CSGALNACT1: variants seen among roughly 807,000 people sequenced by gnomAD.
The protein encoded by CSGALNACT1 is chondroitin sulfate N-acetylgalactosaminyltransferase 1.
CSGALNACT1 carries 52 observed loss-of-function variants against 51.0 expected under a neutral mutation model. That is an observed-to-expected ratio of 1.02 (90% CI 0.82 to 1.29). CSGALNACT1 has a LOEUF of 1.29. CSGALNACT1 is among the 50% of genes most tolerant of loss of function. The pLI, the probability that CSGALNACT1 is intolerant of heterozygous loss-of-function variation, is 0.00. For synonymous variants in CSGALNACT1, 341 were observed against 254.4 expected (o/e 1.34, Z -3.24); for missense variants, 935 against 679.2 (o/e 1.38, Z -4.19).
intron 1 of CSGALNACT1, among the ~76,000 whole-genome samples, chr8:19,681,630 A>T (rs999988000): frequency 6.6e-6 from 1 of 152,196 alleles, no homozygotes; most frequent in African/African-American, 2.4e-5. Flanking sequence ...GGTACGTCCA[A>T]GGGTTCCTAC....
chr8:19,684,891 T>C (rs1350901600), upstream of CSGALNACT1, among the ~76,000 whole-genome samples: 1 of 152,252 alleles, frequency 6.6e-6, no homozygotes, highest in East Asian at 1.9e-4. Context: ...ATATCCATGT[T>C]GTATGCTTTC....
intron 1 of CSGALNACT1, among the ~76,000 whole-genome samples, chr8:19,609,654 G>T (rs2051913256): frequency 6.6e-6 from 1 of 150,626 alleles, no homozygotes; most frequent in Non-Finnish European, 1.5e-5. Flanking sequence ...GGGGATGGGG[G>T]TTGGGGGGTG....
chr8:19,553,189 C>G (rs908702059), intron 3 of CSGALNACT1, among the ~76,000 whole-genome samples: 7 of 151,998 alleles, frequency 4.6e-5, no homozygotes, highest in Admixed American at 4.6e-4. Context: ...TAAGATAATA[C>G]CTTCATGACC....
At chr8:19,689,844 G>T (rs1355936514) in intron 1 of CSGALNACT1, among the ~76,000 whole-genome samples, 2 of 152,194 alleles carry the variant, frequency 1.3e-5, no homozygotes, top group African/African-American at 4.8e-5. Flanking sequence ...CCCTTACAAG[G>T]AAAGTGACGT....
At chr8:19,713,035 C>A (rs564020997) in intron 1 of CSGALNACT1, among the ~76,000 whole-genome samples, 1 of 152,358 alleles carries the variant, frequency 6.6e-6, no homozygotes, top group South Asian at 2.1e-4. Context: ...TTCCTCCCAT[C>A]TTTCCAGTGC....
intron 1 of CSGALNACT1, among the ~76,000 whole-genome samples, chr8:19,698,756 G>C (rs368066926): frequency 2.2e-3 from 322 of 143,298 alleles, no homozygotes; most frequent in African/African-American, 7.9e-3. Context: ...ATGGAAAAGA[G>C]AATGGATAAC....
At chr8:19,476,291 T>C (rs1333813795) in intron 4 of CSGALNACT1, among the ~76,000 whole-genome samples, 1 of 152,098 alleles carries the variant, frequency 6.6e-6, no homozygotes, top group African/African-American at 2.4e-5. Flanking sequence ...CTAGGTAGAG[T>C]TCAATGGCAA....
At chr8:19,664,064 C>T (rs2058984530) in intron 1 of CSGALNACT1, among the ~76,000 whole-genome samples, 1 of 152,238 alleles carries the variant, frequency 6.6e-6, no homozygotes, top group African/African-American at 2.4e-5. Flanking sequence ...CCCTCCACAC[C>T]CTGCCAGGTG....
At chr8:19,712,252 C>G in intron 1 of CSGALNACT1, among the ~76,000 whole-genome samples, 1 of 152,062 alleles carries the variant, frequency 6.6e-6, no homozygotes, top group Non-Finnish European at 1.5e-5. Context: ...GTCTCGATCT[C>G]CTGACCTCGT....
At chr8:19,696,731 C>T (rs959167375) in intron 1 of CSGALNACT1, among the ~76,000 whole-genome samples, 1 of 152,118 alleles carries the variant, frequency 6.6e-6, no homozygotes, top group Admixed American at 6.5e-5. Context: ...AGGGCTGTTG[C>T]AAGGCTTCAG....
Position 19,757,581 on chromosome 8 carries a change from A to C in CSGALNACT1, c.-297+269T>G, listed in dbSNP as rs2065478249. On this transcript the variant is annotated intron_variant, in intron 1 of 1. Transcript: ENST00000517494. The surrounding 1 kb of genome is among the most constrained non-coding windows in gnomAD (Gnocchi z 4.0). ...GCGGTTTACGCGTGACTGGACACCAAGAGCCGGAGAAGTTTAGAGACTAGG... is the reference window on the plus strand; with the variant it reads ...GCGGTTTACGCGTGACTGGACACCACGAGCCGGAGAAGTTTAGAGACTAGG... 6.6e-6 allele frequency among the ~76,000 whole-genome samples: 1 copy of C among 152,150 alleles called. No homozygotes were observed. Among genetic ancestry groups the C allele is most frequent in the Non-Finnish European group, 1.5e-5 (1 of 68,004 alleles).
At chr8:19,635,315 G>A (rs1014576337) in intron 1 of CSGALNACT1, among the ~76,000 whole-genome samples, 2 of 152,190 alleles carry the variant, frequency 1.3e-5, no homozygotes, top group African/African-American at 4.8e-5. Flanking sequence ...CTGCTTTTCT[G>A]TCCAACTTCC....
At chr8:19,688,174 C>T (rs1275332922) in intron 1 of CSGALNACT1, among the ~76,000 whole-genome samples, 1 of 152,086 alleles carries the variant, frequency 6.6e-6, no homozygotes, top group Admixed American at 6.5e-5. Context: ...ATCGGTGGGG[C>T]CTTCTTGAAG....
At chr8:19,513,692 C>T (rs55915417) in intron 3 of CSGALNACT1, among the ~76,000 whole-genome samples, 23,737 of 151,732 alleles carry the variant, frequency 0.16, 2,221 homozygotes, top group Non-Finnish European at 0.21. Context: ...GATGGTAGAC[C>T]TACCGCACAC....
At chr8:19,524,553 G>C (rs2081312239) in intron 3 of CSGALNACT1, among the ~76,000 whole-genome samples, 1 of 151,978 alleles carries the variant, frequency 6.6e-6, no homozygotes, top group Non-Finnish European at 1.5e-5. Flanking sequence ...TTTAATATTA[G>C]TTCCTTCCAT....
rs1476101653 is a variant in CSGALNACT1, at chr8:19,630,200, G to C, written c.-543-28335C>G. ...CATCCAAGTTCCCACGTCTCTGTGT[G>C]TGTGTGTGTGTGTGTGTGTGTGTGT... On this transcript the variant is annotated intron_variant, in intron 1 of 9. Coordinates refer to the CSGALNACT1 transcript ENST00000332246. 4.1e-3 allele frequency among the ~76,000 whole-genome samples: 214 copies of C among 52,732 alleles called. 1 individual carries two copies. The highest frequency in any genetic ancestry group is 0.021 in the South Asian group (52 of 2,440). The allele number at this position is 52,732 out of a possible 152,430, so 34.6% of individuals were successfully genotyped here.
chr8:19,512,242 G>A (rs111259046), intron 3 of CSGALNACT1, among the ~76,000 whole-genome samples: 2 of 152,156 alleles, frequency 1.3e-5, no homozygotes, highest in Non-Finnish European at 1.5e-5. Flanking sequence ...CCAGCTGACC[G>A]ACAGCTAGCA....
intron 1 of CSGALNACT1, among the ~76,000 whole-genome samples, chr8:19,611,871 C>G (rs974499898): frequency 6.6e-6 from 1 of 151,928 alleles, no homozygotes; most frequent in Non-Finnish European, 1.5e-5. Context: ...CGGTTTTGGT[C>G]AAGTCCTCAC....
chr8:19,599,368 A>C (rs1470734849), intron 2 of CSGALNACT1, among the ~76,000 whole-genome samples: 3 of 151,556 alleles, frequency 2.0e-5, no homozygotes, highest in Non-Finnish European at 4.4e-5. Flanking sequence ...ATGGTGGCTC[A>C]CACCTGTAAT....
Sources: gnomAD v4.1 joint callset for allele counts (sites outside exome capture counted in the v4.1 genomes callset) on GRCh38, gnomAD v4.1.1 for gene constraint, Gnocchi (gnomAD v3.1) non-coding constraint, MANE v1.5 for transcripts, NCBI Gene and HGNC (gene_info 2026-07-23, HGNC 2026-07-21) for gene names.